Variants in FAT3 observed in about 807,000 individuals in gnomAD.
FAT3 encodes FAT atypical cadherin 3, also known as protocadherin Fat 3.
A neutral mutation model predicts 310.2 loss-of-function variants in FAT3; 95 were observed. The observed-to-expected ratio is 0.31, with a 90% CI of 0.26 to 0.36. FAT3 has a LOEUF of 0.36. Ranked by LOEUF, FAT3 falls within the 10% of genes least tolerant of loss-of-function variation. The pLI, the probability that FAT3 is intolerant of heterozygous loss-of-function variation, is 1.00. For missense variants in FAT3, 5,408 were observed against 5,715.6 expected, an observed-to-expected ratio of 0.95 and a Z score of 1.74; for synonymous variants, 2,314 against 2,192.9, an observed-to-expected ratio of 1.06 and a Z score of -1.54.
At chr11:92,267,452 G>T (rs1031192531) in intron 1 of FAT3, among the ~76,000 whole-genome samples, 1 of 152,108 alleles carries the variant, frequency 6.6e-6, no homozygotes, top group East Asian at 1.9e-4. Flanking sequence ...GAAGCTGGAG[G>T]TCTCCTTAGG....
chr11:92,456,999 A>G (rs1202148799), intron 2 of FAT3, among the ~76,000 whole-genome samples: 1 of 152,164 alleles, frequency 6.6e-6, no homozygotes, highest in Non-Finnish European at 1.5e-5. Context: ...GCAGGAGAGG[A>G]CACAGGCAAG....
At chr11:92,611,416 A>G (rs1940556162) in intron 3 of FAT3, among the ~76,000 whole-genome samples, 1 of 151,032 alleles carries the variant, frequency 6.6e-6, no homozygotes, top group Admixed American at 6.6e-5. Context: ...CACTATGCCC[A>G]GCATTTTTTG....
chr11:92,297,480 A>G (rs1488665567), intron 1 of FAT3, among the ~76,000 whole-genome samples: 2 of 152,066 alleles, frequency 1.3e-5, no homozygotes, highest in Admixed American at 6.6e-5. Context: ...CTGACCATCA[A>G]ATGACAACTG....
At chr11:92,511,786 G>T (rs549002320) in intron 2 of FAT3, among the ~76,000 whole-genome samples, 4 of 152,200 alleles carry the variant, frequency 2.6e-5, no homozygotes, top group Non-Finnish European at 4.4e-5. Flanking sequence ...GATATTAAAG[G>T]AAGAGTTGGC....
intron 3 of FAT3, among the ~76,000 whole-genome samples, chr11:92,691,295 C>T (rs767975226): frequency 4.6e-5 from 7 of 152,192 alleles, no homozygotes; most frequent in Non-Finnish European, 8.8e-5. Context: ...GGTCTCCTGG[C>T]CCCTAGACAG....
chr11:92,239,750 A>G (rs1389170582), intron 1 of FAT3, among the ~76,000 whole-genome samples: 1 of 152,106 alleles, frequency 6.6e-6, no homozygotes, highest in Non-Finnish European at 1.5e-5. Context: ...GCTGAATGTA[A>G]ATAAAAAGAT....
At chr11:92,336,533 C>G (rs541431152) in intron 1 of FAT3, 3 of 197,210 alleles carry the variant, frequency 1.5e-5, no homozygotes, top group East Asian at 1.5e-4. Context: ...CTCCTATAGA[C>G]TCTATGTGGA....
At chr11:92,874,666 A>G (rs1303376717) in intron 22 of FAT3, among the ~76,000 whole-genome samples, 1 of 152,170 alleles carries the variant, frequency 6.6e-6, no homozygotes, top group Non-Finnish European at 1.5e-5. Flanking sequence ...CAGCCTCCCA[A>G]GTAGCTGGGA....
intron 2 of FAT3, among the ~76,000 whole-genome samples, chr11:92,497,363 C>T (rs554330399): frequency 3.9e-5 from 6 of 152,176 alleles, no homozygotes; most frequent in Admixed American, 3.9e-4. Flanking sequence ...ATGCCACCAA[C>T]AGATGCGTAA....
Position 92,741,275 on chromosome 11 carries a change from A to G in FAT3, c.3670-20581A>G, listed in dbSNP as rs551646979. ...GAGCTGATCTTGAACTCCTGGGTTC[A>G]GGCAATCCTCCCACCACCACCTCAC... On this transcript the variant is annotated intron_variant, in intron 4 of 27. Coordinates refer to ENST00000525166, the MANE Select transcript of FAT3 (RefSeq NM_001367949.2). 1.4e-4 allele frequency among the ~76,000 whole-genome samples: 21 copies of G among 152,338 alleles called. No individual in the cohort carries two copies. In the South Asian group the frequency reaches 4.1e-3, roughly 30 times the overall value.
chr11:92,382,137 C>G (rs1159991284), intron 2 of FAT3, among the ~76,000 whole-genome samples: 1 of 152,064 alleles, frequency 6.6e-6, no homozygotes, highest in Non-Finnish European at 1.5e-5. Context: ...CTGGATTTTC[C>G]TTTGATTCCG....
chr11:92,400,500 A>G (rs1162218905), intron 2 of FAT3: 2 of 152,200 alleles, frequency 1.3e-5, no homozygotes, highest in East Asian at 1.9e-4. Flanking sequence ...ACCAAAATAA[A>G]GACAAAGATT....
At chr11:92,561,124 C>T (rs1955210031) in intron 3 of FAT3, among the ~76,000 whole-genome samples, 1 of 152,156 alleles carries the variant, frequency 6.6e-6, no homozygotes, top group East Asian at 1.9e-4. Context: ...CTGTCTGAGG[C>T]ACTTGCAAGG....
At chr11:92,437,980 A>G (rs1303083519) in intron 2 of FAT3, among the ~76,000 whole-genome samples, 6 of 152,140 alleles carry the variant, frequency 3.9e-5, no homozygotes, top group Non-Finnish European at 8.8e-5. Context: ...CAAGAGAGAA[A>G]GGCCCTTGTT....
At chr11:92,420,418 A>G (rs981833932) in intron 2 of FAT3, among the ~76,000 whole-genome samples, 1 of 152,196 alleles carries the variant, frequency 6.6e-6, no homozygotes, top group African/African-American at 2.4e-5. Context: ...TTGCATGTGG[A>G]TAGCTATGCT....
At chr11:92,638,188 C>T (rs1007404631) in intron 3 of FAT3, among the ~76,000 whole-genome samples, 5 of 152,090 alleles carry the variant, frequency 3.3e-5, no homozygotes, top group African/African-American at 1.2e-4. Flanking sequence ...TGACCATTTG[C>T]ATATTAAATT....
chr11:92,798,768 A>G lies in FAT3; in HGVS notation c.5755A>G (p.Thr1919Ala). 1 of 1,613,850 alleles carries G rather than the reference A, an allele frequency of 6.2e-7. No individual in the cohort carries two copies. ...DPDSEVPPEL[T>A]YSLMEGSLDH... is the part of the protein sequence containing the mutation. Reference sequence around the variant, plus strand: ...TGACTCTGAGGTACCCCCTGAACTGACATACAGCCTAATGGAAGGCAGTTT... The same window carrying G: ...TGACTCTGAGGTACCCCCTGAACTGGCATACAGCCTAATGGAAGGCAGTTT... The change falls in exon 10 of 28, where the codon ACA becomes GCA. Residue 1919 changes from threonine (T) to alanine (A), a missense_variant. Thr to Ala is a moderately conservative substitution (Grantham distance 58). Transcript: ENST00000525166.
chr11:92,348,555 G>A (rs1591146953), intron 1 of FAT3, among the ~76,000 whole-genome samples: 1 of 152,044 alleles, frequency 6.6e-6, no homozygotes, highest in African/African-American at 2.4e-5. Flanking sequence ...ATAACACCAG[G>A]GAGAGTAATA....
chr11:92,449,311 A>T (rs1951294149), intron 2 of FAT3, among the ~76,000 whole-genome samples: 2 of 152,174 alleles, frequency 1.3e-5, no homozygotes, highest in Admixed American at 6.5e-5. Flanking sequence ...GAATCTCAGA[A>T]CTAGGCAGAT....
Sources: allele counts gnomAD v4.1 joint callset (sites outside exome capture counted in the v4.1 genomes callset), GRCh38; gene constraint gnomAD v4.1.1; transcripts MANE v1.5; gene names NCBI Gene and HGNC (gene_info 2026-07-23, HGNC 2026-07-21).